Variants in DLC1 observed in about 807,000 individuals in gnomAD.
The protein encoded by DLC1 is rho GTPase-activating protein 7.
In DLC1, 54 loss-of-function variants were observed where a neutral mutation model predicts 140.3. The observed-to-expected ratio is 0.38, with a 90% CI of 0.31 to 0.48. The LOEUF (loss-of-function observed/expected upper bound fraction) is 0.48, where lower values mean the gene tolerates loss of function less well. DLC1 is among the 20% of genes least tolerant of loss of function. DLC1 has a pLI of 0.96. For missense variants in DLC1, 2,536 were observed against 1,907.0 expected (o/e 1.33, Z -6.14); for synonymous variants, 986 against 728.1 (o/e 1.35, Z -5.70).
intron 4 of DLC1, among the ~76,000 whole-genome samples, chr8:13,382,529 A>AC (rs1554509370): frequency 9.1e-6 from 1 of 109,432 alleles, no homozygotes; most frequent in South Asian, 2.8e-4. Context: ...AAAAAAAAAA[A>AC]AAAGAAAGAG....
chr8:13,456,324 G>A (rs906672131), intron 2 of DLC1, among the ~76,000 whole-genome samples: 1 of 152,186 alleles, frequency 6.6e-6, no homozygotes, highest in Non-Finnish European at 1.5e-5. Flanking sequence ...CCAGCCAATA[G>A]TTTCATATGT....
intron 1 of DLC1, among the ~76,000 whole-genome samples, chr8:13,556,483 G>T (rs984337301): frequency 6.6e-6 from 1 of 152,196 alleles, no homozygotes; most frequent in African/African-American, 2.4e-5. Flanking sequence ...ATACCCGGCA[G>T]GGGGTCCAGA....
intron 1 of DLC1, chr8:13,568,018 AACTT>A: frequency 7.0e-7 from 1 of 1,435,268 alleles, no homozygotes. Context: ...TTGGGAAACT[AACTT>A]AAGACTTTAC....
intron 15 of DLC1, among the ~76,000 whole-genome samples, chr8:13,089,604 G>A (rs1817875312): frequency 6.6e-6 from 1 of 152,172 alleles, no homozygotes; most frequent in Non-Finnish European, 1.5e-5. Flanking sequence ...CAGCCTGGGT[G>A]ACAGAGCAAG....
At chr8:13,245,576 C>G (rs923329004) in intron 5 of DLC1, among the ~76,000 whole-genome samples, 1 of 152,192 alleles carries the variant, frequency 6.6e-6, no homozygotes, top group Admixed American at 6.5e-5. Flanking sequence ...GCTACCTCCA[C>G]CTGAATCTTT....
intron 1 of DLC1, among the ~76,000 whole-genome samples, chr8:13,555,218 A>T (rs1441425196): frequency 6.6e-6 from 1 of 152,140 alleles, no homozygotes; most frequent in African/African-American, 2.4e-5. Flanking sequence ...TCTGCTGCTT[A>T]TTTTTCTACA....
intron 5 of DLC1, among the ~76,000 whole-genome samples, chr8:13,208,008 A>T (rs533763805): frequency 6.6e-6 from 1 of 151,984 alleles, no homozygotes; most frequent in African/African-American, 2.4e-5. Flanking sequence ...CAAAGTGCAA[A>T]ATGTCTAGTA....
chr8:13,315,521 AAGAC>A (rs1486358271), intron 4 of DLC1, among the ~76,000 whole-genome samples: 1 of 152,226 alleles, frequency 6.6e-6, no homozygotes, highest in Non-Finnish European at 1.5e-5. Context: ...TGGTGTCAGA[AAGAC>A]AGGTTAATTT....
chr8:13,504,742 A>G (rs1391940791), intron 1 of DLC1, among the ~76,000 whole-genome samples: 2 of 152,194 alleles, frequency 1.3e-5, no homozygotes, highest in Non-Finnish European at 2.9e-5. Flanking sequence ...ATGGGAAATT[A>G]TGTCTGCCTT....
At chr8:13,320,661 C>G (rs190470156) in intron 4 of DLC1, among the ~76,000 whole-genome samples, 1 of 151,914 alleles carries the variant, frequency 6.6e-6, no homozygotes, top group Non-Finnish European at 1.5e-5. Context: ...GATTAAGGCT[C>G]TCCTTGGGGG....
At chr8:13,290,493 C>G (rs906784545) in intron 5 of DLC1, among the ~76,000 whole-genome samples, 4 of 151,982 alleles carry the variant, frequency 2.6e-5, no homozygotes, top group African/African-American at 7.3e-5. Context: ...CCCTTTCTTT[C>G]AATTTCTTAA....
intron 5 of DLC1, among the ~76,000 whole-genome samples, chr8:13,277,614 TC>T (rs769887629): frequency 3.3e-5 from 5 of 152,208 alleles, no homozygotes; most frequent in Non-Finnish European, 7.4e-5. Flanking sequence ...CGCCTTAGTT[TC>T]TAAAATGCCA....
In DLC1 at chr8:13,460,307, C is replaced by T. The variant is rs533918068; in HGVS notation, c.1023+38742G>A. 7.2e-5 allele frequency among the ~76,000 whole-genome samples: 11 copies of T among 152,304 alleles called. No individual in the cohort carries two copies. The East Asian group carries it at 1.4e-3, about 19-fold the overall frequency. On this transcript the variant is annotated intron_variant, in intron 2 of 17. Coordinates refer to ENST00000276297, the MANE Select transcript of DLC1 (RefSeq NM_182643.3). ...ATACAAATTTTCATCTCCCATGGCT[C>T]CTTGCAAAATGTCTTCCTTTTTTAT... is the stretch of plus-strand genomic sequence containing the variant.
intron 1 of DLC1, among the ~76,000 whole-genome samples, chr8:13,575,786 A>G (rs1319278225): frequency 1.3e-5 from 2 of 152,200 alleles, no homozygotes; most frequent in Non-Finnish European, 2.9e-5. Flanking sequence ...AGCATTGTGT[A>G]TTTTGAGAAG....
chr8:13,561,296 A>T (rs1177604886), intron 1 of DLC1, among the ~76,000 whole-genome samples: 3 of 151,986 alleles, frequency 2.0e-5, no homozygotes, highest in Non-Finnish European at 4.4e-5. Flanking sequence ...CAGCCATGCA[A>T]CTACAGCCAC....
At chr8:13,483,108 G>C (rs1049233797) in intron 2 of DLC1, among the ~76,000 whole-genome samples, 3 of 152,086 alleles carry the variant, frequency 2.0e-5, no homozygotes, top group African/African-American at 7.2e-5. Flanking sequence ...GTGGCTTCAG[G>C]CGCTCCTCTA....
At chr8:13,441,983 C>T (rs942377379) in intron 2 of DLC1, among the ~76,000 whole-genome samples, 2 of 152,192 alleles carry the variant, frequency 1.3e-5, no homozygotes, top group African/African-American at 4.8e-5. Flanking sequence ...ACCAAAACAG[C>T]ATGGTACTGG....
At chr8:13,351,181 T>G (rs554810434) in intron 4 of DLC1, among the ~76,000 whole-genome samples, 8 of 152,344 alleles carry the variant, frequency 5.3e-5, no homozygotes, top group African/African-American at 1.9e-4. Flanking sequence ...GTGTATAGTA[T>G]CTGTTCTATA....
chr8:13,425,862 C>A (rs1262102552), intron 2 of DLC1, among the ~76,000 whole-genome samples: 9 of 152,178 alleles, frequency 5.9e-5, no homozygotes, highest in Admixed American at 5.9e-4. Context: ...GTAGCCTTGA[C>A]CTCCTGGGCT....
Sources: allele counts gnomAD v4.1 joint callset (sites outside exome capture counted in the v4.1 genomes callset), GRCh38; gene constraint gnomAD v4.1.1; transcripts MANE v1.5; gene names NCBI Gene and HGNC (gene_info 2026-07-23, HGNC 2026-07-21).